GMDS: variants seen among roughly 807,000 people sequenced by gnomAD.
GMDS encodes GDP-mannose 4,6-dehydratase.
A neutral mutation model predicts 49.9 loss-of-function variants in GMDS; 20 were observed. That is an observed-to-expected ratio of 0.40 (90% CI 0.28 to 0.58). GMDS has a LOEUF of 0.58. GMDS is among the 20% of genes least tolerant of loss of function. GMDS has a pLI of 0.42. For synonymous variants in GMDS, 177 were observed against 178.6 expected (o/e 0.99, Z 0.07); for missense variants, 362 against 481.4 (o/e 0.75, Z 2.32).
Position 1,778,010 on chromosome 6 carries a change from T to C in GMDS, c.772-35424A>G, listed in dbSNP as rs978144481. On this transcript the variant is annotated intron_variant, in intron 7 of 10. Coordinates refer to ENST00000380815, the MANE Select transcript of GMDS (RefSeq NM_001500.4). This position sits in a 1 kb window ranked among gnomAD's most constrained non-coding sequence, Gnocchi z 4.6. Reference sequence around the variant, plus strand: ...AACAGATGGAAGAGCTGAATGGAAATTTCAATAAAGAGGGCCACAAAGAAG... The same window carrying C: ...AACAGATGGAAGAGCTGAATGGAAACTTCAATAAAGAGGGCCACAAAGAAG... 6.6e-6 allele frequency among the ~76,000 whole-genome samples: 1 copy of C among 152,012 alleles called. No homozygotes were observed. The highest frequency in any genetic ancestry group is 1.9e-4 in the East Asian group (1 of 5,186).
At chr6:1,767,245 TA>T (rs1768394678) in intron 7 of GMDS, among the ~76,000 whole-genome samples, 1 of 145,480 alleles carries the variant, frequency 6.9e-6, no homozygotes, top group East Asian at 2.3e-4. Context: ...ATATCCTTTG[TA>T]AAATGGCTAA....
At chr6:2,204,350 G>GTGTAAAGTAGGAATTTCTATAGTA (rs1779689830) in intron 1 of GMDS, among the ~76,000 whole-genome samples, 1 of 152,152 alleles carries the variant, frequency 6.6e-6, no homozygotes. Context: ...AAATAGCAAT[G>GTGTAAAGTAGGAATTTCTATAGTA]ATTCCATTTA....
chr6:1,707,011 A>G (rs140854999), intron 9 of GMDS, among the ~76,000 whole-genome samples: 83 of 152,354 alleles, frequency 5.4e-4, no homozygotes, highest in African/African-American at 1.9e-3. Flanking sequence ...TTCCTAACTT[A>G]TAGCCTTCCG....
rs550012482 is a variant in GMDS at position 2,068,225 on chromosome 6, C to A, written c.345+47546G>T. ...TGACAAAACTCAACAACGCTTCATG[C>A]TAAAAACTCCCAATAAATTAGGTAT... On this transcript the variant is annotated intron_variant, in intron 4 of 10. Transcript: ENST00000380815. 8.5e-5 allele frequency among the ~76,000 whole-genome samples: 13 copies of A among 152,280 alleles called. No individual in the cohort carries two copies. The South Asian group carries it at 2.7e-3, about 32-fold the overall frequency.
At chr6:1,784,159 GAC>G (rs1769219879) in intron 7 of GMDS, among the ~76,000 whole-genome samples, 1 of 152,008 alleles carries the variant, frequency 6.6e-6, no homozygotes, top group Non-Finnish European at 1.5e-5. Flanking sequence ...AATAATATGG[GAC>G]AGAGAACTGA....
intron 7 of GMDS, among the ~76,000 whole-genome samples, chr6:1,812,099 C>T (rs1270999033): frequency 6.6e-6 from 1 of 152,150 alleles, no homozygotes; most frequent in Non-Finnish European, 1.5e-5. Context: ...TATAGAAGTA[C>T]CGCAGAGAGA....
intron 1 of GMDS, among the ~76,000 whole-genome samples, chr6:2,174,558 T>A (rs1778178549): frequency 1.3e-5 from 2 of 151,748 alleles, no homozygotes; most frequent in South Asian, 4.2e-4. Flanking sequence ...TTTTTTGTTT[T>A]GTTTTGTTTT....
At chr6:1,918,807 G>T (rs911560213) in intron 7 of GMDS, among the ~76,000 whole-genome samples, 22 of 152,140 alleles carry the variant, frequency 1.4e-4, no homozygotes, top group Non-Finnish European at 2.8e-4. Flanking sequence ...AATAATAGTA[G>T]AATCTAGAGA....
chr6:1,736,071 G>A (rs1766992001), intron 8 of GMDS, among the ~76,000 whole-genome samples: 1 of 152,126 alleles, frequency 6.6e-6, no homozygotes, highest in Non-Finnish European at 1.5e-5. Context: ...AGGAAAATGG[G>A]CCCGCGACCT....
chr6:1,857,515 C>A (rs1188548982), intron 7 of GMDS, among the ~76,000 whole-genome samples: 1 of 152,182 alleles, frequency 6.6e-6, no homozygotes, highest in African/African-American at 2.4e-5. Context: ...ACTTCAGGAT[C>A]ACAGTAGGGA....
At chr6:2,040,664 T>C (rs931883378) in intron 4 of GMDS, among the ~76,000 whole-genome samples, 3 of 152,160 alleles carry the variant, frequency 2.0e-5, no homozygotes, top group Admixed American at 1.3e-4. Context: ...TTAGGACACA[T>C]TGCCCAAAAA....
At chr6:2,159,977 T>C (rs1031308051) in intron 1 of GMDS, among the ~76,000 whole-genome samples, 5 of 152,204 alleles carry the variant, frequency 3.3e-5, no homozygotes, top group African/African-American at 1.2e-4. Flanking sequence ...AGTCATATTA[T>C]ATAGCACCAT....
At chr6:2,245,262 T>G in intron 1 of GMDS, 59 bp downstream of exon 1, 6 of 1,129,476 alleles carry the variant, frequency 5.3e-6, no homozygotes, top group Non-Finnish European at 7.7e-6. Context: ...TAGCGGCGCG[T>G]AGGGAGAGCA....
chr6:1,766,606 C>T lies in GMDS; in HGVS notation c.772-24020G>A, dbSNP rs547462124. ...GTGGGCCTCGCTACTCCAGTGCCTC[C>T]GGAGCCCAGGGAAGCTCACCTCAGG... On this transcript the variant is annotated intron_variant, in intron 7 of 10. Transcript: ENST00000380815. The surrounding 1 kb of genome is among the most constrained non-coding windows in gnomAD (Gnocchi z 4.5). Among the ~76,000 whole-genome samples the T allele has an allele frequency of 6.4e-4, 97 of 152,230 alleles. No individual in the cohort carries two copies. Among genetic ancestry groups the T allele is most frequent in the Admixed American group, 1.6e-3 (25 of 15,300 alleles).
chr6:1,762,577 C>A (rs1392146261), intron 7 of GMDS, among the ~76,000 whole-genome samples: 1 of 152,200 alleles, frequency 6.6e-6, no homozygotes, highest in Admixed American at 6.5e-5. Flanking sequence ...AAACTCTTGG[C>A]CCAGGGAAGA....
At chr6:1,851,586 C>T (rs1035007476) in intron 7 of GMDS, among the ~76,000 whole-genome samples, 3 of 152,086 alleles carry the variant, frequency 2.0e-5, no homozygotes, top group Non-Finnish European at 4.4e-5. Context: ...GCATTTAATA[C>T]ATTTAATAAG....
chr6:1,833,670 T>C lies in GMDS; in HGVS notation c.772-91084A>G, dbSNP rs1011277374. 1.3e-5 allele frequency among the ~76,000 whole-genome samples: 2 copies of C among 152,174 alleles called. No individual in the cohort carries two copies. Among genetic ancestry groups the C allele is most frequent in the Non-Finnish European group, 2.9e-5 (2 of 68,024 alleles). On this transcript the variant is annotated intron_variant, in intron 7 of 10. Coordinates refer to ENST00000380815, the MANE Select transcript of GMDS (RefSeq NM_001500.4). This position sits in a 1 kb window ranked among gnomAD's most constrained non-coding sequence, Gnocchi z 4.4. ...CACCCCACACATATTTTGGATGACC[T>C]AATTCTTCCAGCGAAGTTTAAAACT...
At chr6:2,056,858 A>G (rs1248570175) in intron 4 of GMDS, among the ~76,000 whole-genome samples, 1 of 152,206 alleles carries the variant, frequency 6.6e-6, no homozygotes, top group East Asian at 1.9e-4. Flanking sequence ...ACACCAACCA[A>G]AAGTATTCTG....
chr6:1,797,632 TATGA>T, intron 7 of GMDS, among the ~76,000 whole-genome samples: 1 of 152,346 alleles, frequency 6.6e-6, no homozygotes, highest in African/African-American at 2.4e-5. Flanking sequence ...ATGAGGTAAG[TATGA>T]ATATTATCTT....
Sources: allele counts gnomAD v4.1 joint callset (sites outside exome capture counted in the v4.1 genomes callset), GRCh38; gene constraint gnomAD v4.1.1; non-coding constraint Gnocchi (gnomAD v3.1); transcripts MANE v1.5; gene names NCBI Gene and HGNC (gene_info 2026-07-23, HGNC 2026-07-21).